POU2AF1: variants seen among roughly 807,000 people sequenced by gnomAD.
The protein encoded by POU2AF1 is POU class 2 homeobox associating factor 1, also known as POU domain class 2-associating factor 1.
A neutral mutation model predicts 26.3 loss-of-function variants in POU2AF1; 12 were observed. The observed-to-expected ratio is 0.46, with a 90% CI of 0.29 to 0.74. The LOEUF (loss-of-function observed/expected upper bound fraction) is 0.74, where lower values mean the gene tolerates loss of function less well. Among genes scored for constraint, POU2AF1 ranks in the 30% least tolerant of loss-of-function variants. POU2AF1 has a pLI of 0.09. For missense variants in POU2AF1, 297 were observed against 334.5 expected (o/e 0.89, Z 0.87); for synonymous variants, 175 against 148.0 (o/e 1.18, Z -1.32).
Position 111,359,013 on chromosome 11 carries a change from A to G in POU2AF1, c.17-95T>C. 3.3e-6 allele frequency: 5 copies of G among 1,507,298 alleles called. No individual in the cohort carries two copies. The South Asian group carries it at 6.7e-5, about 20-fold the overall frequency. The allele number at this position is 1,507,298 out of a possible 1,614,324, so 93.4% of individuals were successfully genotyped here. A position where few individuals can be genotyped will look rare whatever the true frequency, so the allele number is the denominator to read the frequency against. On this transcript the variant is annotated intron_variant, in intron 1 of 4. Coordinates refer to ENST00000393067, the MANE Select transcript of POU2AF1 (RefSeq NM_006235.3). ...CCTCATGGATCTGCCTGCTCCCCTA[A>G]GTCGTGCTTGAACACGGAGAACCAC... is the stretch of plus-strand genomic sequence containing the variant.
At chr11:111,372,701 A>C (rs2135137145) in intron 1 of POU2AF1, among the ~76,000 whole-genome samples, 1 of 152,340 alleles carries the variant, frequency 6.6e-6, no homozygotes, top group East Asian at 1.9e-4. Flanking sequence ...GAAGACTGGC[A>C]GTTGTTACAC....
chr11:111,354,603 G>T (rs1343140568), intron 4 of POU2AF1, 28 bp from the exon 5 acceptor site: 5 of 1,487,486 alleles, frequency 3.4e-6, no homozygotes, highest in Non-Finnish European at 4.5e-6. Flanking sequence ...GTGACAGAGG[G>T]TTAGCAGCCC....
Position 111,353,226 on chromosome 11 carries a change from T to G in POU2AF1, c.*1035A>C. 1 of 233,100 alleles carries G rather than the reference T, an allele frequency of 4.3e-6. No homozygotes were observed. Among genetic ancestry groups the G allele is most frequent in the Non-Finnish European group, 8.5e-6 (1 of 117,910 alleles). 14.4% of individuals were successfully genotyped at this position (233,100 alleles called of 1,614,324 possible). ...ACAACAGCCCAACTTCCCTTGCACG[T>G]ATCCTCAAGGAGAGCAGCAAAACCA... is the stretch of plus-strand genomic sequence containing the variant. On this transcript the variant is annotated 3_prime_UTR_variant, in exon 5 of 5. Coordinates refer to ENST00000393067, the MANE Select transcript of POU2AF1 (RefSeq NM_006235.3).
chr11:111,356,558 G>T (rs991228617), intron 4 of POU2AF1, among the ~76,000 whole-genome samples: 1 of 152,226 alleles, frequency 6.6e-6, no homozygotes, highest in African/African-American at 2.4e-5. Flanking sequence ...GGATACAGCT[G>T]TAACCACAGG....
intron 1 of POU2AF1, among the ~76,000 whole-genome samples, chr11:111,367,927 G>A (rs1422219987): frequency 6.6e-6 from 1 of 152,162 alleles, no homozygotes; most frequent in Admixed American, 6.5e-5. Flanking sequence ...CAGAAACTGG[G>A]GTCACCGGAG....
intron 1 of POU2AF1, among the ~76,000 whole-genome samples, chr11:111,359,754 C>T (rs373209310): frequency 3.9e-5 from 6 of 152,352 alleles, no homozygotes; most frequent in Admixed American, 6.5e-5. Flanking sequence ...AGATTATAAA[C>T]GTCTCAAGGT....
chr11:111,361,851 C>T lies in POU2AF1; in HGVS notation c.17-2933G>A, dbSNP rs553014803. On this transcript the variant is annotated intron_variant, in intron 1 of 4. Transcript: ENST00000393067. ...GCACAGAGCATTTAATACATGTGAG[C>T]TCCGATTATCATGAGTATTAGTAGT... Among the ~76,000 whole-genome samples, 56 of 152,320 alleles carry T rather than the reference C, an allele frequency of 3.7e-4. No homozygotes were observed. In the South Asian group the frequency reaches 0.011, roughly 31 times the overall value.
chr11:111,354,403 A>T lies in POU2AF1; in HGVS notation c.629T>A (p.Ile210Asn), dbSNP rs1313443113. 1 of 1,614,052 alleles carries T rather than the reference A, an allele frequency of 6.2e-7. No homozygotes were observed. The change falls in exon 5 of 5, where the codon ATC becomes AAC. Residue 210 changes from isoleucine (I) to asparagine (N), a missense_variant. By Grantham distance (149) the Ile-to-Asn change is moderately radical. Transcript: ENST00000393067. Reference sequence around the variant, plus strand: ...CTGAAGGACTGGCTCTGGGATAGAGATGGGGAGCTGGACAAACTGGGGCCC... The same window carrying T: ...CTGAAGGACTGGCTCTGGGATAGAGTTGGGGAGCTGGACAAACTGGGGCCC... Reference protein sequence around the residue: ...LPGPQFVQLPISIPEPVLQDM... With the variant: ...LPGPQFVQLPNSIPEPVLQDM...
intron 1 of POU2AF1, among the ~76,000 whole-genome samples, chr11:111,375,296 C>A (rs1861285442): frequency 6.6e-6 from 1 of 151,432 alleles, no homozygotes; most frequent in Admixed American, 6.6e-5. Flanking sequence ...TCAATCAAAT[C>A]AGTTTGGGGC....
At chr11:111,378,120 T>C (rs1292349226) in intron 1 of POU2AF1, among the ~76,000 whole-genome samples, 3 of 152,248 alleles carry the variant, frequency 2.0e-5, no homozygotes, top group African/African-American at 7.2e-5. Context: ...CACATTTTAA[T>C]CAATGAAGTT....
At position 111,354,400 on chromosome 11, in the gene POU2AF1, G is replaced by C. The variant is rs149278202; in HGVS notation, c.632C>G (p.Ser211Cys). 2.5e-6 allele frequency: 4 copies of C among 1,614,234 alleles called. No individual in the cohort carries two copies. The Middle Eastern group carries it at 4.9e-4, about 200-fold the overall frequency. Residue 211 changes from serine to cysteine, a missense_variant, in exon 5 of 5, where the codon TCT (serine) becomes TGT (cysteine). Coordinates refer to ENST00000393067, the MANE Select transcript of POU2AF1 (RefSeq NM_006235.3). ...PGPQFVQLPISIPEPVLQDME... is the reference protein window; with the variant it reads ...PGPQFVQLPICIPEPVLQDME... ...GTCCTGAAGGACTGGCTCTGGGATA[G>C]AGATGGGGAGCTGGACAAACTGGGG...
intron 1 of POU2AF1, chr11:111,363,345 G>C (rs1861047066): frequency 7.8e-6 from 8 of 1,023,550 alleles, no homozygotes; most frequent in Non-Finnish European, 8.2e-6. Flanking sequence ...TGAAATATCA[G>C]AATCTGAAGC....
intron 4 of POU2AF1, among the ~76,000 whole-genome samples, chr11:111,355,036 C>T (rs899032386): frequency 1.3e-5 from 2 of 152,190 alleles, no homozygotes; most frequent in Admixed American, 6.5e-5. Flanking sequence ...CACTGTCCTG[C>T]CCAGACACAA....
chr11:111,365,861 A>G (rs1383248658), intron 1 of POU2AF1, among the ~76,000 whole-genome samples: 3 of 123,316 alleles, frequency 2.4e-5, no homozygotes, highest in Non-Finnish European at 5.1e-5. Context: ...CCATCTCAAA[A>G]AAAAAAAAAA....
chr11:111,354,123 A>G lies in POU2AF1; in HGVS notation c.*138T>C. On this transcript the variant is annotated 3_prime_UTR_variant, in exon 5 of 5. Transcript: ENST00000393067. ...GGAAGGAAGAAGGGAAGGAAGGTTT[A>G]CAGGTCTACAATTCTAGCTGTGCGT... 2 of 902,294 alleles carry G rather than the reference A, an allele frequency of 2.2e-6. No individual in the cohort carries two copies. The highest frequency in any genetic ancestry group is 3.3e-6 in the Non-Finnish European group (2 of 607,924). 55.9% of individuals were successfully genotyped at this position (902,294 alleles called of 1,614,324 possible).
In POU2AF1 at chr11:111,353,561, A is replaced by G. The variant is rs374236436; in HGVS notation, c.*700T>C. 1.7e-4 allele frequency: 39 copies of G among 233,496 alleles called. 1 individual carries two copies. The South Asian group carries it at 6.7e-3, about 40-fold the overall frequency. The allele number at this position is 233,496 out of a possible 1,614,324, so 14.5% of individuals were successfully genotyped here. On this transcript the variant is annotated 3_prime_UTR_variant, in exon 5 of 5. Transcript: ENST00000393067. The stretch of plus-strand genomic sequence containing the variant: ...AATCTGGCCGAGGCTGAGAAGAGCA[A>G]ACAAAGGAGCAACTGTGGGAACTGA...
chr11:111,373,790 G>C (rs1861258583), intron 1 of POU2AF1, among the ~76,000 whole-genome samples: 1 of 152,180 alleles, frequency 6.6e-6, no homozygotes, highest in African/African-American at 2.4e-5. Flanking sequence ...CGGGACAAGA[G>C]GGTTTCAGAG....
Position 111,358,811 on chromosome 11 carries a change from C to T in POU2AF1, c.124G>A (p.Gly42Arg). Reference sequence around the variant, plus strand: ...ACCGCCGTAGGTGCAGGTGCTGCCCCACTGCTGGCGTGGCCTCGCTTCCTC... The same window carrying T: ...ACCGCCGTAGGTGCAGGTGCTGCCCTACTGCTGGCGTGGCCTCGCTTCCTC... ...LRRKRGHASS[G>R]AAPAPTAVVL... is the part of the protein sequence containing the mutation. Residue 42 changes from glycine (G) to arginine (R), a missense_variant, in exon 2 of 5, where the codon GGG (glycine) becomes AGG (arginine). Gly to Arg is a moderately radical substitution (Grantham distance 125). Transcript: ENST00000393067. 6.2e-7 allele frequency: 1 copy of T among 1,603,708 alleles called. No individual in the cohort carries two copies. The highest frequency in any genetic ancestry group is 8.5e-7 in the Non-Finnish European group (1 of 1,178,178).
Position 111,358,898 on chromosome 11 carries a change from G to GGGCTTGCTCCGGAGCTGT in POU2AF1, c.19_36dup (p.Thr7_Ala12dup). On this transcript the variant is annotated inframe_insertion, in exon 2 of 5. Coordinates refer to ENST00000393067, the MANE Select transcript of POU2AF1 (RefSeq NM_006235.3). The stretch of plus-strand genomic sequence containing the variant: ...CCCTGGTATGGCCGGGCCGGGGCTG[G>GGGCTTGCTCCGGAGCTGT]GGCTTGCTCCGGAGCTGTGGCTGTG... 2 of 1,606,534 alleles carry GGGCTTGCTCCGGAGCTGT rather than the reference G, an allele frequency of 1.2e-6. No homozygotes were observed. Among genetic ancestry groups the GGGCTTGCTCCGGAGCTGT allele is most frequent in the Non-Finnish European group, 1.7e-6 (2 of 1,179,762 alleles).
Sources: gnomAD v4.1 joint callset for allele counts (sites outside exome capture counted in the v4.1 genomes callset) on GRCh38, gnomAD v4.1.1 for gene constraint, MANE v1.5 for transcripts, NCBI Gene and HGNC (gene_info 2026-07-23, HGNC 2026-07-21) for gene names.